Variants in PTPRG observed in about 807,000 individuals in gnomAD.
PTPRG encodes the protein receptor-type tyrosine-protein phosphatase gamma.
Under a neutral mutation model 165.3 loss-of-function variants are expected in PTPRG, and 102 were observed. The ratio of observed to expected loss-of-function variants is 0.62; its 90% CI spans 0.53 to 0.73. PTPRG has a LOEUF of 0.73. PTPRG is among the 30% of genes least tolerant of loss of function. PTPRG has a pLI of 0.00. For missense variants in PTPRG, 1,866 were observed against 1,861.4 expected (o/e 1.00, Z -0.05); for synonymous variants, 675 against 669.5 (o/e 1.01, Z -0.13).
chr3:61,882,223 G>T (rs1474380997), intron 2 of PTPRG, among the ~76,000 whole-genome samples: 1 of 152,228 alleles, frequency 6.6e-6, no homozygotes, highest in Non-Finnish European at 1.5e-5. Context: ...TGGTGGGTCA[G>T]TCAACTGCGT....
intron 9 of PTPRG, among the ~76,000 whole-genome samples, chr3:62,192,447 C>T (rs928960678): frequency 1.1e-4 from 13 of 115,388 alleles, no homozygotes; most frequent in East Asian, 8.8e-4. Context: ...CTTGCTCTGT[C>T]GCCCAGGCTG....
At chr3:61,979,970 G>T (rs571813853) in intron 2 of PTPRG, among the ~76,000 whole-genome samples, 7 of 151,754 alleles carry the variant, frequency 4.6e-5, no homozygotes, top group African/African-American at 1.7e-4. Context: ...CAGTGGGTAG[G>T]TATACAGACC....
intron 28 of PTPRG, among the ~76,000 whole-genome samples, chr3:62,284,029 CTTTGTGGTATACAG>C (rs1702547846): frequency 1.3e-5 from 2 of 152,004 alleles, no homozygotes; most frequent in African/African-American, 4.8e-5. Context: ...TGAACTAAAA[CTTTGTGGTATACAG>C]TTACAGCATA....
intron 4 of PTPRG, among the ~76,000 whole-genome samples, chr3:62,024,209 A>G (rs1431830346): frequency 2.6e-5 from 4 of 152,046 alleles, no homozygotes; most frequent in East Asian, 1.9e-4. Flanking sequence ...ATTGCCAACT[A>G]TTTTCTAGAT....
intron 1 of PTPRG, among the ~76,000 whole-genome samples, chr3:61,658,543 T>G (rs1372466307): frequency 6.6e-6 from 1 of 152,238 alleles, no homozygotes; most frequent in African/African-American, 2.4e-5. Context: ...AGCTCCCTGG[T>G]GTTTTATTCT....
chr3:61,931,210 G>T (rs981239962), intron 2 of PTPRG, among the ~76,000 whole-genome samples: 1 of 152,194 alleles, frequency 6.6e-6, no homozygotes, highest in Non-Finnish European at 1.5e-5. Context: ...GTTCTGATTT[G>T]CATTCTTGTT....
At chr3:62,204,967 A>AT (rs372315870) in intron 12 of PTPRG, among the ~76,000 whole-genome samples, 7 of 151,780 alleles carry the variant, frequency 4.6e-5, no homozygotes, top group Non-Finnish European at 8.8e-5. Flanking sequence ...TTTAGCAACA[A>AT]TTTTTTTTGC....
At chr3:61,993,152 C>CTTT (rs879341940) in intron 3 of PTPRG, among the ~76,000 whole-genome samples, 1 of 136,968 alleles carries the variant, frequency 7.3e-6, no homozygotes, top group Non-Finnish European at 1.6e-5. Context: ...TAACCTATTT[C>CTTT]TTTTTTTTTT....
At chr3:62,257,328 G>C (rs907657871) in intron 16 of PTPRG, among the ~76,000 whole-genome samples, 2 of 152,080 alleles carry the variant, frequency 1.3e-5, no homozygotes, top group African/African-American at 4.8e-5. Flanking sequence ...ATAGTAACAG[G>C]CTTTATAAGA....
chr3:61,690,389 G>A (rs1181273864), intron 1 of PTPRG, among the ~76,000 whole-genome samples: 1 of 152,146 alleles, frequency 6.6e-6, no homozygotes, highest in Non-Finnish European at 1.5e-5. Context: ...AGGATAAATG[G>A]CAATTGCTTG....
chr3:61,862,554 GC>G (rs1225505327), intron 2 of PTPRG, among the ~76,000 whole-genome samples: 1 of 151,600 alleles, frequency 6.6e-6, no homozygotes, highest in Non-Finnish European at 1.5e-5. Flanking sequence ...CGCCCAGCAC[GC>G]CCACTAATTT....
chr3:62,034,912 TC>T (rs1270582474), intron 4 of PTPRG, among the ~76,000 whole-genome samples: 1 of 152,154 alleles, frequency 6.6e-6, no homozygotes, highest in Non-Finnish European at 1.5e-5. Flanking sequence ...ATTAACTTAG[TC>T]TATGTGGCCA....
In PTPRG at chr3:62,245,313, T is replaced by C. The variant is rs906370480; in HGVS notation, c.2467+1415T>C. Among the ~76,000 whole-genome samples the C allele has an allele frequency of 2.6e-5, 4 of 152,190 alleles. No homozygotes were observed. The highest frequency in any genetic ancestry group is 4.4e-5 in the Non-Finnish European group (3 of 68,030). ...CATCAGCATGAAATAAGTAGTTTCA[T>C]TGAATCTACTGGATTTGCACAATAG... On this transcript the variant is annotated intron_variant, in intron 15 of 29. Transcript: ENST00000474889. This position sits in a 1 kb window ranked among gnomAD's most constrained non-coding sequence, Gnocchi z 4.2.
In PTPRG at chr3:62,245,637, G is replaced by T. The variant is rs78284557; in HGVS notation, c.2467+1739G>T. ...GTTTCCAGAATCTGTAAATTAATTA[G>T]GATGCCTATTCTCCTTGCCTTTTGA... On this transcript the variant is annotated intron_variant, in intron 15 of 29. Transcript: ENST00000474889. The surrounding 1 kb of genome is among the most constrained non-coding windows in gnomAD (Gnocchi z 4.2). Among the ~76,000 whole-genome samples, 1,835 of 152,098 alleles carry T rather than the reference G, an allele frequency of 0.012. 19 individuals are homozygous for T. The highest frequency in any genetic ancestry group is 0.016 in the Non-Finnish European group (1,086 of 67,990).
In PTPRG at chr3:62,181,475, C is replaced by T. The variant is rs910718615; in HGVS notation, c.1034-9994C>T. 7.9e-5 allele frequency among the ~76,000 whole-genome samples: 12 copies of T among 152,248 alleles called. No homozygotes were observed. The South Asian group carries it at 8.3e-4, about 11-fold the overall frequency. ...CCTCTTTCCTCTATAAACACCTACT[C>T]ATTGTTGAGATTTCAGTTCAAACTA... On this transcript the variant is annotated intron_variant, in intron 8 of 29. Coordinates refer to ENST00000474889, the MANE Select transcript of PTPRG (RefSeq NM_002841.4).
chr3:61,910,800 G>C (rs924436734), intron 2 of PTPRG, among the ~76,000 whole-genome samples: 1 of 152,160 alleles, frequency 6.6e-6, no homozygotes, highest in African/African-American at 2.4e-5. Flanking sequence ...GAGGAAATCT[G>C]AGCAAGCCCC....
At chr3:61,811,863 C>G (rs927090161) in intron 2 of PTPRG, among the ~76,000 whole-genome samples, 2 of 152,152 alleles carry the variant, frequency 1.3e-5, no homozygotes, top group Non-Finnish European at 2.9e-5. Context: ...TATTTTGTTC[C>G]TCTGCCAGTA....
chr3:62,086,077 G>T (rs1701743573), intron 5 of PTPRG, among the ~76,000 whole-genome samples: 1 of 151,992 alleles, frequency 6.6e-6, no homozygotes, highest in Admixed American at 6.6e-5. Flanking sequence ...ATGAAGTTTC[G>T]ACTTGTAAAT....
At chr3:61,651,357 TTAA>T (rs2106984646) in intron 1 of PTPRG, among the ~76,000 whole-genome samples, 4 of 79,192 alleles carry the variant, frequency 5.1e-5, no homozygotes, top group South Asian at 1.2e-3. Context: ...TGTCCCATTG[TTAA>T]TAATCTTTTT....
Sources: gnomAD v4.1 joint callset for allele counts (sites outside exome capture counted in the v4.1 genomes callset) on GRCh38, gnomAD v4.1.1 for gene constraint, Gnocchi (gnomAD v3.1) non-coding constraint, MANE v1.5 for transcripts, NCBI Gene and HGNC (gene_info 2026-07-23, HGNC 2026-07-21) for gene names.